TAFA4: variants seen among roughly 807,000 people sequenced by gnomAD.
The protein encoded by TAFA4 is chemokine-like protein TAFA-4.
In TAFA4, 20 loss-of-function variants were observed where a neutral mutation model predicts 21.1. The ratio of observed to expected loss-of-function variants is 0.95; its 90% CI spans 0.67 to 1.38. The LOEUF (loss-of-function observed/expected upper bound fraction) is 1.38. Among genes scored for constraint, TAFA4 ranks in the 40% most tolerant of loss-of-function variants. The pLI, the probability that TAFA4 is intolerant of heterozygous loss-of-function variation, is 0.00. For missense variants in TAFA4, 211 were observed against 180.9 expected, an observed-to-expected ratio of 1.17 and a Z score of -0.95; for synonymous variants, 71 against 67.4, an observed-to-expected ratio of 1.05 and a Z score of -0.26.
At position 68,807,136 on chromosome 3, in the gene TAFA4, G is replaced by C. The variant is rs148836077; in HGVS notation, c.131-54118C>G. Among the ~76,000 whole-genome samples the C allele has an allele frequency of 2.9e-3, 447 of 152,252 alleles. 1 individual carries two copies. Among genetic ancestry groups the C allele is most frequent in the African/African-American group, 0.01 (426 of 41,560 alleles). On this transcript the variant is annotated intron_variant, in intron 3 of 5. Transcript: ENST00000295569. Reference sequence around the variant, plus strand: ...TTGTTTGCCTCAGCTGATCGGTCTAGGGCAGCTAATCCACAGGCTGGCTAG... The same window carrying C: ...TTGTTTGCCTCAGCTGATCGGTCTACGGCAGCTAATCCACAGGCTGGCTAG...
intron 3 of TAFA4, among the ~76,000 whole-genome samples, chr3:68,831,726 C>T (rs1298733726): frequency 1.3e-5 from 2 of 152,104 alleles, no homozygotes; most frequent in South Asian, 4.2e-4. Flanking sequence ...TTGAATGTGG[C>T]CTGTCTTGTT....
intron 4 of TAFA4, among the ~76,000 whole-genome samples, chr3:68,751,463 G>T (rs922839213): frequency 6.6e-6 from 1 of 152,170 alleles, no homozygotes; most frequent in East Asian, 1.9e-4. Context: ...AGAAAGAATG[G>T]TTGTGATGTG....
intron 3 of TAFA4, among the ~76,000 whole-genome samples, chr3:68,779,531 C>T (rs1445676201): frequency 6.6e-6 from 1 of 152,138 alleles, no homozygotes; most frequent in Non-Finnish European, 1.5e-5. Context: ...GGACTTAGTG[C>T]CCTGCATCCT....
intron 3 of TAFA4, among the ~76,000 whole-genome samples, chr3:68,769,168 A>G (rs4093385): frequency 0.48 from 72,663 of 151,868 alleles, 17,838 homozygotes; most frequent in African/African-American, 0.56. Context: ...CTGCCTGAGC[A>G]CTGCCTCCTG....
At chr3:68,907,825 A>G (rs2089919614) in intron 1 of TAFA4, among the ~76,000 whole-genome samples, 1 of 152,222 alleles carries the variant, frequency 6.6e-6, no homozygotes, top group Non-Finnish European at 1.5e-5. Flanking sequence ...CAGCGAATAA[A>G]AAGGAATAAA....
chr3:68,888,752 GC>G (rs2089699417), intron 1 of TAFA4, among the ~76,000 whole-genome samples: 1 of 150,880 alleles, frequency 6.6e-6, no homozygotes, highest in Non-Finnish European at 1.5e-5. Flanking sequence ...GGGAGAAAGG[GC>G]TGAACTTGCT....
At chr3:68,901,535 C>T (rs1238977790) in intron 1 of TAFA4, among the ~76,000 whole-genome samples, 2 of 152,142 alleles carry the variant, frequency 1.3e-5, no homozygotes, top group Non-Finnish European at 2.9e-5. Context: ...ACTAACCACA[C>T]ATGACTATTT....
intron 3 of TAFA4, among the ~76,000 whole-genome samples, chr3:68,777,155 T>C (rs991402385): frequency 6.6e-6 from 1 of 152,074 alleles, no homozygotes; most frequent in African/African-American, 2.4e-5. Context: ...TTTTTTCTTA[T>C]TTTTAATCTT....
intron 3 of TAFA4, among the ~76,000 whole-genome samples, chr3:68,819,279 A>ATT (rs1559532051): frequency 3.5e-5 from 3 of 85,728 alleles, no homozygotes; most frequent in Admixed American, 1.3e-4. Context: ...TTAATTAAAA[A>ATT]AAAAAAAAAA....
chr3:68,850,397 C>T (rs1333518099), intron 3 of TAFA4, among the ~76,000 whole-genome samples: 1 of 152,108 alleles, frequency 6.6e-6, no homozygotes, highest in Non-Finnish European at 1.5e-5. Context: ...ACAAAACAGA[C>T]AATAAGTAAA....
At chr3:68,735,142 G>A (rs1189124586) in intron 5 of TAFA4, among the ~76,000 whole-genome samples, 2 of 152,044 alleles carry the variant, frequency 1.3e-5, no homozygotes, top group Non-Finnish European at 2.9e-5. Flanking sequence ...AAAACTTGAG[G>A]GTAAAGGAGT....
At chr3:68,782,264 T>A (rs1703168222) in intron 3 of TAFA4, among the ~76,000 whole-genome samples, 1 of 152,112 alleles carries the variant, frequency 6.6e-6, no homozygotes, top group Non-Finnish European at 1.5e-5. Flanking sequence ...ATCATCAGTC[T>A]TTAGGAAAAT....
chr3:68,744,349 C>T (rs1008342308), intron 4 of TAFA4, among the ~76,000 whole-genome samples: 2 of 152,244 alleles, frequency 1.3e-5, no homozygotes, highest in East Asian at 3.9e-4. Flanking sequence ...ATTAGGGGCT[C>T]TCGAGGAAAA....
At chr3:68,930,030 T>C (rs1387394691) in intron 1 of TAFA4, among the ~76,000 whole-genome samples, 1 of 152,184 alleles carries the variant, frequency 6.6e-6, no homozygotes, top group African/African-American at 2.4e-5. Context: ...CAAAGTATTA[T>C]ATTAAGTGTA....
chr3:68,890,406 A>G (rs947886536), intron 1 of TAFA4, among the ~76,000 whole-genome samples: 7 of 152,202 alleles, frequency 4.6e-5, no homozygotes, highest in Non-Finnish European at 7.3e-5. Context: ...TTGAGAGCTT[A>G]TTGCCAATTC....
At chr3:68,804,362 T>C (rs13082501) in intron 3 of TAFA4, among the ~76,000 whole-genome samples, 31,255 of 151,972 alleles carry the variant, frequency 0.21, 4,125 homozygotes, top group East Asian at 0.63. Context: ...ATCGTGAAAA[T>C]GGTCATACTG....
intron 3 of TAFA4, among the ~76,000 whole-genome samples, chr3:68,783,741 G>GAAAGAA (rs67072857): frequency 4.0e-5 from 4 of 101,026 alleles, no homozygotes; most frequent in Middle Eastern, 6.2e-3. Flanking sequence ...AAGAAAGAAA[G>GAAAGAA]AAAGTAAGAA....
intron 3 of TAFA4, among the ~76,000 whole-genome samples, chr3:68,800,531 T>G (rs1703554790): frequency 6.6e-6 from 1 of 152,174 alleles, no homozygotes; most frequent in Non-Finnish European, 1.5e-5. Flanking sequence ...GGAGTGGACG[T>G]TACCCAGCCC....
intron 3 of TAFA4, among the ~76,000 whole-genome samples, chr3:68,798,843 A>G (rs994564855): frequency 6.6e-6 from 1 of 152,228 alleles, no homozygotes; most frequent in African/African-American, 2.4e-5. Flanking sequence ...AGTAAAATTG[A>G]GTCATACAAA....
Sources: gnomAD v4.1 joint callset for allele counts (sites outside exome capture counted in the v4.1 genomes callset) on GRCh38, gnomAD v4.1.1 for gene constraint, MANE v1.5 for transcripts, NCBI Gene and HGNC (gene_info 2026-07-23, HGNC 2026-07-21) for gene names.